The following AKAP6 variants were observed in gnomAD, a reference collection of about 807,000 sequenced individuals.
AKAP6 encodes the protein A-kinase anchoring protein 6, also known as A-kinase anchor protein 6.
Under a neutral mutation model 188.5 loss-of-function variants are expected in AKAP6, and 58 were observed. That is an observed-to-expected ratio of 0.31 (90% confidence interval 0.25 to 0.38). The LOEUF (loss-of-function observed/expected upper bound fraction) is 0.38. Among genes scored for constraint, AKAP6 ranks in the 10% least tolerant of loss-of-function variants. The probability of loss-of-function intolerance (pLI) is 1.00; values close to 1 mark genes in which losing one functional copy is unlikely to be tolerated. For synonymous variants in AKAP6, 989 were observed against 998.6 expected (o/e 0.99, Z 0.18); for missense variants, 2,710 against 2,740.0 (o/e 0.99, Z 0.24).
chr14:32,672,066 A>G (rs145589692), intron 7 of AKAP6, among the ~76,000 whole-genome samples: 6 of 152,318 alleles, frequency 3.9e-5, no homozygotes, highest in African/African-American at 1.4e-4. Context: ...ATCAGAGGGA[A>G]GTATATGACT....
intron 7 of AKAP6, among the ~76,000 whole-genome samples, chr14:32,621,707 A>G (rs907569816): frequency 1.3e-5 from 2 of 152,044 alleles, no homozygotes; most frequent in Admixed American, 6.6e-5. Context: ...GGTGCAGTTT[A>G]AGTCTAGTGT....
chr14:32,608,016 G>A (rs1267536151), intron 7 of AKAP6, among the ~76,000 whole-genome samples: 2 of 152,008 alleles, frequency 1.3e-5, no homozygotes, highest in African/African-American at 2.4e-5. Flanking sequence ...GTTTGTTATC[G>A]AATCCAATAG....
chr14:32,782,716 A>G (rs934660435), intron 12 of AKAP6, among the ~76,000 whole-genome samples: 7 of 152,306 alleles, frequency 4.6e-5, no homozygotes, highest in African/African-American at 1.7e-4. Flanking sequence ...ACTGTATGCA[A>G]ACAGCTACAA....
At chr14:32,766,655 A>G (rs1423407827) in intron 11 of AKAP6, among the ~76,000 whole-genome samples, 5 of 152,118 alleles carry the variant, frequency 3.3e-5, no homozygotes, top group Admixed American at 6.5e-5. Context: ...AGAAATGTCT[A>G]TTCAAATACT....
chr14:32,583,407 G>T (rs950312979), intron 5 of AKAP6, among the ~76,000 whole-genome samples: 1 of 152,210 alleles, frequency 6.6e-6, no homozygotes, highest in Non-Finnish European at 1.5e-5. Context: ...CTACTGGGGG[G>T]TGCCTCCCAG....
Position 32,697,136 on chromosome 14 carries a change from G to C in AKAP6, c.3000+1026G>C, listed in dbSNP as rs189688085. Among the ~76,000 whole-genome samples, 1,260 of 152,086 alleles carry C rather than the reference G, an allele frequency of 8.3e-3. 23 individuals are homozygous for C. Among genetic ancestry groups the C allele is most frequent in the African/African-American group, 0.029 (1,189 of 41,496 alleles). ...AAGTTGCCTTCTTTCTTCTTCAATG[G>C]TATCATTTTAAATTACCGTTCTTTA... On this transcript the variant is annotated intron_variant, in intron 9 of 13. Coordinates refer to ENST00000280979, the MANE Select transcript of AKAP6 (RefSeq NM_004274.5).
At chr14:32,690,529 AT>A (rs972948087) in intron 8 of AKAP6, among the ~76,000 whole-genome samples, 31 of 152,106 alleles carry the variant, frequency 2.0e-4, no homozygotes, top group African/African-American at 7.2e-4. Context: ...GGTTGTTAGT[AT>A]TTTTTTATTT....
chr14:32,690,239 C>T (rs1049732757), intron 8 of AKAP6, among the ~76,000 whole-genome samples: 3 of 151,622 alleles, frequency 2.0e-5, no homozygotes, highest in Admixed American at 1.3e-4. Context: ...CATCAAAATT[C>T]CTTAGTGAGC....
At chr14:32,581,869 A>G (rs1884984035) in intron 5 of AKAP6, among the ~76,000 whole-genome samples, 1 of 151,760 alleles carries the variant, frequency 6.6e-6, no homozygotes, top group Non-Finnish European at 1.5e-5. Context: ...CCATCCTTTT[A>G]TTTTGAGCCT....
intron 12 of AKAP6, among the ~76,000 whole-genome samples, chr14:32,788,476 AAACT>A (rs753268360): frequency 5.0e-4 from 76 of 152,310 alleles, no homozygotes; most frequent in Middle Eastern, 3.4e-3. Context: ...TCTCACATTG[AAACT>A]AACTAAGCAA....
intron 2 of AKAP6, among the ~76,000 whole-genome samples, chr14:32,526,556 C>T (rs1359795988): frequency 6.6e-6 from 1 of 152,026 alleles, no homozygotes; most frequent in Admixed American, 6.6e-5. Context: ...CTTTTTGTAT[C>T]TTTTGTAGAG....
chr14:32,803,545 C>T (rs923256769), intron 12 of AKAP6, among the ~76,000 whole-genome samples: 2 of 152,138 alleles, frequency 1.3e-5, no homozygotes, highest in African/African-American at 2.4e-5. Flanking sequence ...CAAATACCTC[C>T]TCTTCCCAAA....
At chr14:32,363,679 C>T (rs955446159) in intron 1 of AKAP6, among the ~76,000 whole-genome samples, 3 of 152,198 alleles carry the variant, frequency 2.0e-5, no homozygotes, top group Admixed American at 6.5e-5. Flanking sequence ...TTATTCTAGC[C>T]ATGCTGGCAG....
At chr14:32,703,825 G>C (rs1411475747) in intron 9 of AKAP6, among the ~76,000 whole-genome samples, 1 of 152,208 alleles carries the variant, frequency 6.6e-6, no homozygotes, top group Non-Finnish European at 1.5e-5. Flanking sequence ...ACAAAACTTG[G>C]TAAAGGGTTA....
chr14:32,465,415 A>G (rs1878353219), intron 2 of AKAP6, among the ~76,000 whole-genome samples: 1 of 152,174 alleles, frequency 6.6e-6, no homozygotes, highest in Non-Finnish European at 1.5e-5. Flanking sequence ...AACAGAACAG[A>G]GACCTCAGAA....
At chr14:32,778,916 T>A (rs79064444) in intron 12 of AKAP6, among the ~76,000 whole-genome samples, 47 of 149,214 alleles carry the variant, frequency 3.1e-4, no homozygotes, top group African/African-American at 1.1e-3. Context: ...TAGAATCATT[T>A]AAAAAAAAAT....
At chr14:32,826,155 G>A (rs2034667640) in intron 13 of AKAP6, among the ~76,000 whole-genome samples, 1 of 151,942 alleles carries the variant, frequency 6.6e-6, no homozygotes, top group African/African-American at 2.4e-5. Flanking sequence ...AGAGCTGCTA[G>A]AAATGGGGAC....
At chr14:32,647,158 T>C (rs916086390) in intron 7 of AKAP6, among the ~76,000 whole-genome samples, 4 of 152,152 alleles carry the variant, frequency 2.6e-5, no homozygotes, top group Non-Finnish European at 4.4e-5. Flanking sequence ...AAAACCGTGC[T>C]TCATATATTA....
intron 1 of AKAP6, among the ~76,000 whole-genome samples, chr14:32,423,508 T>C (rs549273813): frequency 1.3e-5 from 2 of 152,274 alleles, no homozygotes; most frequent in South Asian, 4.1e-4. Context: ...AACTTTTTTG[T>C]AGAATACTTA....
Sources: allele counts gnomAD v4.1 joint callset (sites outside exome capture counted in the v4.1 genomes callset), GRCh38; gene constraint gnomAD v4.1.1; transcripts MANE v1.5; gene names NCBI Gene and HGNC (gene_info 2026-07-23, HGNC 2026-07-21).